The following ITCH variants were observed in gnomAD, a reference collection of about 807,000 sequenced individuals.
The protein encoded by ITCH is E3 ubiquitin-protein ligase Itchy homolog.
ITCH carries 28 observed loss-of-function variants against 126.8 expected under a neutral mutation model. The observed-to-expected ratio is 0.22, with a 90% confidence interval of 0.16 to 0.30. The LOEUF (loss-of-function observed/expected upper bound fraction) is 0.30, where lower values mean the gene tolerates loss of function less well. ITCH is among the 10% of genes least tolerant of loss of function. ITCH has a pLI of 1.00. For synonymous variants in ITCH, 342 were observed against 340.0 expected (o/e 1.01, Z -0.06); for missense variants, 631 against 1,032.4 (o/e 0.61, Z 5.33).
chr20:34,426,596 G>A (rs1215637411), intron 7 of ITCH, among the ~76,000 whole-genome samples: 1 of 151,712 alleles, frequency 6.6e-6, no homozygotes, highest in Non-Finnish European at 1.5e-5. Flanking sequence ...CTCAAGACAG[G>A]CATACACCAC....
At chr20:34,422,890 G>T (rs1473629268) in intron 6 of ITCH, among the ~76,000 whole-genome samples, 2 of 151,950 alleles carry the variant, frequency 1.3e-5, no homozygotes, top group Non-Finnish European at 2.9e-5. Context: ...TGCCTCCCAG[G>T]TTCAAGTGAT....
intron 4 of ITCH, among the ~76,000 whole-genome samples, chr20:34,409,017 T>C (rs974324454): frequency 6.6e-6 from 1 of 151,698 alleles, no homozygotes; most frequent in Admixed American, 6.6e-5. Flanking sequence ...TCTAGTTTAG[T>C]TGGTGATGAT....
At chr20:34,395,206 C>T (rs1459950815) in intron 3 of ITCH, among the ~76,000 whole-genome samples, 1 of 149,770 alleles carries the variant, frequency 6.7e-6, no homozygotes, top group African/African-American at 2.5e-5. Flanking sequence ...GCACTCCAGC[C>T]TGGGCGACAG....
intron 2 of ITCH, among the ~76,000 whole-genome samples, chr20:34,377,310 G>C (rs890066463): frequency 2.0e-5 from 3 of 152,108 alleles, no homozygotes; most frequent in African/African-American, 7.2e-5. Flanking sequence ...GGAGGCGGAG[G>C]TTGCAATGAG....
chr20:34,438,606 A>C lies in ITCH; in HGVS notation c.654A>C (p.Pro218=). 1 of 1,613,880 alleles carries C rather than the reference A, an allele frequency of 6.2e-7. No homozygotes were observed. Among genetic ancestry groups the C allele is most frequent in the Non-Finnish European group, 8.5e-7 (1 of 1,179,986 alleles). The change falls in exon 8 of 25, where the codon CCA becomes CCC. Residue 218 remains proline, a synonymous_variant. Transcript: ENST00000374864. ...CTAGACCTCCAAGACCTTCACGACC[A>C]CCACCACCCACCCCACGTAGACCAG... ...KPSRPPRPSR[P]PPPTPRRPAS...
intron 7 of ITCH, among the ~76,000 whole-genome samples, chr20:34,435,963 G>A (rs1439638847): frequency 1.3e-5 from 2 of 152,188 alleles, no homozygotes; most frequent in African/African-American, 4.8e-5. Context: ...GATCTAGGAA[G>A]AGGAACAATT....
chr20:34,411,252 A>AGAAC (rs1978990927), intron 4 of ITCH, among the ~76,000 whole-genome samples: 1 of 152,108 alleles, frequency 6.6e-6, no homozygotes, highest in Non-Finnish European at 1.5e-5. Context: ...CCCGGGTTCA[A>AGAAC]GCAAGTCTCA....
At position 34,480,586 on chromosome 20, in the gene ITCH, C is replaced by G; in HGVS notation, c.1819-13C>G. On this transcript the variant is annotated splice_polypyrimidine_tract_variant and intron_variant, in intron 18 of 24. Transcript: ENST00000374864. ...ACAGTTATTTTAAGCGGTCTTGTTT[C>G]CTTTTTTCATAGGCTCTGTTCCATG... 1 of 1,613,218 alleles carries G rather than the reference C, an allele frequency of 6.2e-7. No individual in the cohort carries two copies. The highest frequency in any genetic ancestry group is 8.5e-7 in the Non-Finnish European group (1 of 1,179,374).
At chr20:34,489,767 C>T in intron 21 of ITCH, 55 bp from the exon 22 acceptor site, 1 of 1,144,006 alleles carries the variant, frequency 8.7e-7, no homozygotes, top group Non-Finnish European at 1.3e-6. Context: ...TTCCTATGTC[C>T]AGCTGTTTTT....
intron 23 of ITCH, among the ~76,000 whole-genome samples, chr20:34,496,210 G>A (rs1348242491): frequency 6.6e-6 from 1 of 152,036 alleles, no homozygotes; most frequent in Non-Finnish European, 1.5e-5. Context: ...GTTCATTGTG[G>A]TTTTGATTTG....
At chr20:34,392,870 C>T (rs1290037236) in intron 2 of ITCH, among the ~76,000 whole-genome samples, 1 of 152,094 alleles carries the variant, frequency 6.6e-6, no homozygotes, top group African/African-American at 2.4e-5. Context: ...GAAGGACCCC[C>T]CCAGCCCGGG....
intron 3 of ITCH, among the ~76,000 whole-genome samples, chr20:34,407,666 G>A (rs1025176018): frequency 1.3e-5 from 2 of 151,998 alleles, no homozygotes; most frequent in African/African-American, 4.8e-5. Context: ...CCTCAGATAT[G>A]CCATACTCAT....
chr20:34,451,240 A>G (rs888084360), intron 12 of ITCH, among the ~76,000 whole-genome samples: 2 of 151,814 alleles, frequency 1.3e-5, no homozygotes, highest in Admixed American at 1.3e-4. Context: ...CAGTGAGCCA[A>G]GATCGCGCCA....
At chr20:34,500,902 C>G (rs1241998775) in intron 23 of ITCH, among the ~76,000 whole-genome samples, 3 of 152,078 alleles carry the variant, frequency 2.0e-5, no homozygotes, top group Non-Finnish European at 4.4e-5. Flanking sequence ...TTTTCACTTC[C>G]AGATGTGGGA....
chr20:34,395,977 G>T (rs1330548023), intron 3 of ITCH, among the ~76,000 whole-genome samples: 3 of 151,350 alleles, frequency 2.0e-5, no homozygotes, highest in African/African-American at 4.9e-5. Flanking sequence ...AAATTCCTAG[G>T]TTATATGGAA....
At chr20:34,484,002 T>A (rs1988940252) in intron 20 of ITCH, among the ~76,000 whole-genome samples, 1 of 152,052 alleles carries the variant, frequency 6.6e-6, no homozygotes, top group Non-Finnish European at 1.5e-5. Context: ...AACCATCAGA[T>A]CTTGTGAGAC....
Position 34,417,967 on chromosome 20 carries a change from C to CT in ITCH, c.475+4105dup, listed in dbSNP as rs796201494. On this transcript the variant is annotated intron_variant, in intron 6 of 24. Transcript: ENST00000374864. Reference sequence around the variant, plus strand: ...AAAGAAAAATGCATTTTACTTTCAACTTTTTTTTTTTTTTTTTGAGACAGG... The same window carrying CT: ...AAAGAAAAATGCATTTTACTTTCAACTTTTTTTTTTTTTTTTTTGAGACAGG... Among the ~76,000 whole-genome samples the CT allele has an allele frequency of 5.3e-3, 729 of 137,386 alleles. 2 individuals are homozygous for CT. Among genetic ancestry groups the CT allele is most frequent in the Middle Eastern group, 0.022 (6 of 274 alleles). 90.1% of individuals were successfully genotyped at this position (137,386 alleles called of 152,430 possible). A position where few individuals can be genotyped will look rare whatever the true frequency, so the allele number is the denominator to read the frequency against.
In ITCH at chr20:34,504,504, A is replaced by T. The variant is rs184898488; in HGVS notation, c.2489+101A>T. 22 of 773,510 alleles carry T rather than the reference A, an allele frequency of 2.8e-5. No individual in the cohort carries two copies. In the African/African-American group the frequency reaches 3.6e-4, roughly 13 times the overall value. 47.9% of individuals were successfully genotyped at this position (773,510 alleles called of 1,614,324 possible). ...TAAAAATGATATTTAGTAGATTTAC[A>T]GAATAGCACAGCCATCATAGCAATC... On this transcript the variant is annotated intron_variant, in intron 24 of 24. Transcript: ENST00000374864.
intron 11 of ITCH, among the ~76,000 whole-genome samples, chr20:34,446,407 G>A (rs142616215): frequency 1.8e-3 from 271 of 152,136 alleles, no homozygotes; most frequent in African/African-American, 6.1e-3. Flanking sequence ...TCATATTCTT[G>A]TCTATTCCTT....
Sources: gnomAD v4.1 joint callset for allele counts (sites outside exome capture counted in the v4.1 genomes callset) on GRCh38, gnomAD v4.1.1 for gene constraint, MANE v1.5 for transcripts, NCBI Gene and HGNC (gene_info 2026-07-23, HGNC 2026-07-21) for gene names.